Variants in GOLGA1 observed in about 807,000 individuals in gnomAD.
GOLGA1 encodes golgin subfamily A member 1.
GOLGA1 carries 63 observed loss-of-function variants against 119.7 expected under a neutral mutation model. The observed-to-expected ratio is 0.53, with a 90% CI of 0.43 to 0.65. The LOEUF is 0.65. Among genes scored for constraint, GOLGA1 ranks in the 30% least tolerant of loss-of-function variants. The pLI, the probability that GOLGA1 is intolerant of heterozygous loss-of-function variation, is 0.00. For synonymous variants in GOLGA1, 318 were observed against 333.4 expected (o/e 0.95, Z 0.50); for missense variants, 798 against 912.8 (o/e 0.87, Z 1.62).
At chr9:124,899,242 T>C (rs750884) in intron 14 of GOLGA1, 87 bp downstream of exon 14, 1,237,856 of 1,242,536 alleles carry the variant, frequency 1, 616,704 homozygotes, top group East Asian at 1. Context: ...AGTGCAGAGG[T>C]GGTGACACAC....
At chr9:124,934,789 G>A (rs1381825928) in intron 3 of GOLGA1, among the ~76,000 whole-genome samples, 1 of 152,204 alleles carries the variant, frequency 6.6e-6, no homozygotes, top group Non-Finnish European at 1.5e-5. Context: ...GCTAGCACCT[G>A]CAGTCCCAGT....
intron 5 of GOLGA1, 26 bp downstream of exon 5, chr9:124,929,190 G>GA: frequency 1.4e-6 from 2 of 1,409,806 alleles, no homozygotes; most frequent in South Asian, 1.2e-5. Context: ...TGAAAAGATT[G>GA]AAAAAAGCAG....
At chr9:124,919,977 ACAGAGTCTCTCTCTGT>A (rs1225188074) in intron 10 of GOLGA1, among the ~76,000 whole-genome samples, 2 of 150,956 alleles carry the variant, frequency 1.3e-5, no homozygotes, top group African/African-American at 4.9e-5. Flanking sequence ...TTTTTTTAAG[ACAGAGTCTCTCTCTGT>A]CACCCAGGCA....
At chr9:124,914,734 T>C (rs1830408768) in intron 10 of GOLGA1, among the ~76,000 whole-genome samples, 1 of 152,220 alleles carries the variant, frequency 6.6e-6, no homozygotes, top group African/African-American at 2.4e-5. Flanking sequence ...CCCAAAGGCA[T>C]ATACCTATTA....
chr9:124,938,822 C>T lies in GOLGA1; in HGVS notation c.-111G>A. On this transcript the variant is annotated 5_prime_UTR_variant, in exon 3 of 23. It removes an upstream start codon present in the reference 5' UTR. Transcript: ENST00000373555. ...AAGTTTCAGACATCCAAGCTAGCTG[C>T]ATTCCCACTTAAATGTGGGCCAAGG... is the stretch of plus-strand genomic sequence containing the variant. The T allele has an allele frequency of 1.2e-6, 1 of 814,420 alleles. No homozygotes were observed. Among genetic ancestry groups the T allele is most frequent in the Non-Finnish European group, 1.9e-6 (1 of 528,454 alleles). 50.4% of individuals were successfully genotyped at this position (814,420 alleles called of 1,614,324 possible). A position where few individuals can be genotyped will look rare whatever the true frequency, so the allele number is the denominator to read the frequency against.
At chr9:124,900,927 T>C (rs1182025521) in intron 12 of GOLGA1, among the ~76,000 whole-genome samples, 1 of 152,212 alleles carries the variant, frequency 6.6e-6, no homozygotes, top group African/African-American at 2.4e-5. Context: ...GCTTTCTGTT[T>C]TTCCCATCTA....
At chr9:124,933,257 A>G (rs938286059) in intron 3 of GOLGA1, among the ~76,000 whole-genome samples, 1 of 152,144 alleles carries the variant, frequency 6.6e-6, no homozygotes, top group African/African-American at 2.4e-5. Flanking sequence ...TTATCCTTAG[A>G]AAGGCCTGCT....
At chr9:124,915,741 C>T (rs139878567) in intron 10 of GOLGA1, among the ~76,000 whole-genome samples, 45 of 152,130 alleles carry the variant, frequency 3.0e-4, no homozygotes, top group African/African-American at 7.7e-4. Flanking sequence ...GCCAACATCG[C>T]GCCACTGCAC....
chr9:124,888,033 G>A lies in GOLGA1; in HGVS notation c.1905+220C>T, dbSNP rs918750334. 2.6e-5 allele frequency among the ~76,000 whole-genome samples: 4 copies of A among 152,138 alleles called. No homozygotes were observed. Among genetic ancestry groups the A allele is most frequent in the Non-Finnish European group, 5.9e-5 (4 of 68,028 alleles). On this transcript the variant is annotated intron_variant, in intron 19 of 22. Coordinates refer to ENST00000373555, the MANE Select transcript of GOLGA1 (RefSeq NM_002077.4). The surrounding 1 kb of genome is among the most constrained non-coding windows in gnomAD (Gnocchi z 4.4). ...GCTGCCCAAGCCTGACACTTGTCCA[G>A]TTCTCCAGGGGGTGGGGAGAAGAGG... is the stretch of plus-strand genomic sequence containing the variant.
At chr9:124,894,276 C>T (rs143997575) in intron 15 of GOLGA1, among the ~76,000 whole-genome samples, 1 of 152,178 alleles carries the variant, frequency 6.6e-6, no homozygotes, top group Non-Finnish European at 1.5e-5. Context: ...GGGTGTGGCC[C>T]TGGCCTTCAT....
chr9:124,898,405 T>C (rs1830023643), intron 15 of GOLGA1, 144 bp downstream of exon 15: 1 of 595,834 alleles, frequency 1.7e-6, no homozygotes. Context: ...GAAGTGGCAA[T>C]TTCTGGCCGA....
rs1829567940 is a variant in GOLGA1 at position 124,881,069 on chromosome 9, G to A, written c.2223+102C>T. 1.3e-6 allele frequency: 1 copy of A among 747,870 alleles called. No individual in the cohort carries two copies. The highest frequency in any genetic ancestry group is 1.9e-5 in the Admixed American group (1 of 52,996). The allele number at this position is 747,870 out of a possible 1,614,324, so 46.3% of individuals were successfully genotyped here. A position where few individuals can be genotyped will look rare whatever the true frequency, so the allele number is the denominator to read the frequency against. On this transcript the variant is annotated intron_variant, in intron 22 of 22. Transcript: ENST00000373555. The surrounding 1 kb of genome is among the most constrained non-coding windows in gnomAD (Gnocchi z 4.9). ...CCAAGCTGATCATGCAGCTGTGCTGGTGCCTACACTCGGGTGTGGGTCTAA... is the reference window on the plus strand; with the variant it reads ...CCAAGCTGATCATGCAGCTGTGCTGATGCCTACACTCGGGTGTGGGTCTAA...
chr9:124,909,295 G>C (rs552175933), intron 11 of GOLGA1, among the ~76,000 whole-genome samples: 5 of 151,710 alleles, frequency 3.3e-5, no homozygotes, highest in Admixed American at 3.3e-4. Context: ...CTGGGTGACA[G>C]AGTGAGACTC....
intron 6 of GOLGA1, 97 bp downstream of exon 6, chr9:124,928,091 C>T: frequency 1.8e-6 from 1 of 561,050 alleles, no homozygotes; most frequent in South Asian, 2.5e-5. Flanking sequence ...TTCTCCTAGG[C>T]TATAAATATT....
intron 15 of GOLGA1, among the ~76,000 whole-genome samples, chr9:124,896,938 A>G (rs1487202261): frequency 6.6e-6 from 1 of 152,006 alleles, no homozygotes; most frequent in African/African-American, 2.4e-5. Flanking sequence ...TCTCAAAAAA[A>G]AAAAGACCTG....
intron 10 of GOLGA1, among the ~76,000 whole-genome samples, chr9:124,918,852 G>A (rs1830505390): frequency 6.6e-6 from 1 of 152,040 alleles, no homozygotes; most frequent in Non-Finnish European, 1.5e-5. Context: ...TGCCTTTTCT[G>A]CCTCCTGCTG....
chr9:124,925,359 A>AT (rs11357664), intron 7 of GOLGA1, among the ~76,000 whole-genome samples: 4,154 of 141,950 alleles, frequency 0.029, 87 homozygotes, highest in Non-Finnish European at 0.046. Flanking sequence ...ATGGTTGAGG[A>AT]TTTTTTTTTT....
intron 3 of GOLGA1, among the ~76,000 whole-genome samples, chr9:124,932,974 G>A (rs1830799313): frequency 6.6e-6 from 1 of 151,914 alleles, no homozygotes; most frequent in Non-Finnish European, 1.5e-5. Flanking sequence ...TAGTGATTAG[G>A]TTTCAACATA....
intron 4 of GOLGA1, 58 bp downstream of exon 4, chr9:124,931,258 A>C: frequency 1.2e-6 from 1 of 810,258 alleles, no homozygotes; most frequent in Non-Finnish European, 2.2e-6. Context: ...TTTTATAGGA[A>C]GAGAGTCAAG....
Sources: gnomAD v4.1 joint callset for allele counts (sites outside exome capture counted in the v4.1 genomes callset) on GRCh38, gnomAD v4.1.1 for gene constraint, Gnocchi (gnomAD v3.1) non-coding constraint, MANE v1.5 for transcripts, NCBI Gene and HGNC (gene_info 2026-07-23, HGNC 2026-07-21) for gene names.